Variants in TACC1 observed in about 807,000 individuals in gnomAD.
The protein encoded by TACC1 is transforming acidic coiled-coil containing protein 1, also known as transforming acidic coiled-coil-containing protein 1.
TACC1 carries 48 observed loss-of-function variants against 84.4 expected under a neutral mutation model. The observed-to-expected ratio is 0.57, with a 90% CI of 0.45 to 0.72. The LOEUF is 0.72. TACC1 is among the 30% of genes least tolerant of loss of function. TACC1 has a pLI of 0.00. For synonymous variants in TACC1, 372 were observed against 376.3 expected (o/e 0.99, Z 0.13); for missense variants, 920 against 973.0 (o/e 0.95, Z 0.72).
At chr8:38,740,205 A>G (rs534829158) in intron 1 of TACC1, among the ~76,000 whole-genome samples, 1 of 152,204 alleles carries the variant, frequency 6.6e-6, no homozygotes, top group Non-Finnish European at 1.5e-5. Flanking sequence ...GGATTCCTCC[A>G]TCACGTGGGA....
At chr8:38,777,225 C>T (rs1271207411) in intron 3 of TACC1, among the ~76,000 whole-genome samples, 2 of 149,362 alleles carry the variant, frequency 1.3e-5, no homozygotes, top group African/African-American at 5.0e-5. Context: ...CACTGCACTT[C>T]AGCCTGGGCA....
intron 9 of TACC1, among the ~76,000 whole-genome samples, chr8:38,841,263 A>G (rs1831226021): frequency 6.6e-6 from 1 of 152,152 alleles, no homozygotes; most frequent in Non-Finnish European, 1.5e-5. Context: ...AGCTTCTGTA[A>G]TGTATGTATT....
chr8:38,825,347 C>T lies in TACC1; in HGVS notation c.1431C>T (p.Leu477=), dbSNP rs148777646. 7.8e-5 allele frequency: 126 copies of T among 1,614,140 alleles called. 2 individuals are homozygous for T. In the African/African-American group the frequency reaches 9.1e-4, roughly 12 times the overall value. The part of the protein sequence containing the change: ...CKVKKHETQS[L]ALDACSRDEG... Reference sequence around the variant, plus strand: ...TGAAGAAGCATGAAACTCAGTCTCTCGCCCTGGATGCATGTTCTCGGGTGA... The same window carrying T: ...TGAAGAAGCATGAAACTCAGTCTCTTGCCCTGGATGCATGTTCTCGGGTGA... Residue 477 remains leucine, a synonymous_variant, in exon 4 of 13, where the codon CTC becomes CTT. Coordinates refer to ENST00000317827, the MANE Select transcript of TACC1 (RefSeq NM_006283.3).
intron 3 of TACC1, 133 bp downstream of exon 3, chr8:38,820,768 A>G: frequency 2.2e-5 from 27 of 1,233,844 alleles, no homozygotes; most frequent in Non-Finnish European, 2.9e-5. Flanking sequence ...TTATAATGTT[A>G]TCCTGCAGTC....
At chr8:38,743,257 G>A (rs1332212814) in intron 2 of TACC1, among the ~76,000 whole-genome samples, 1 of 151,980 alleles carries the variant, frequency 6.6e-6, no homozygotes, top group South Asian at 2.1e-4. Context: ...TTCAGAGTAA[G>A]ACAGACATCA....
At chr8:38,738,103 TG>T (rs1454107124) in intron 1 of TACC1, among the ~76,000 whole-genome samples, 2 of 152,072 alleles carry the variant, frequency 1.3e-5, no homozygotes, top group African/African-American at 4.8e-5. Flanking sequence ...GCACAATTTT[TG>T]TGAAGATTAG....
At chr8:38,730,685 A>G (rs1804752467) in intron 1 of TACC1, among the ~76,000 whole-genome samples, 1 of 152,090 alleles carries the variant, frequency 6.6e-6, no homozygotes, top group African/African-American at 2.4e-5. Flanking sequence ...TGCCTTGAAT[A>G]TTTTTGCAGC....
chr8:38,798,745 C>A (rs1820620341), intron 2 of TACC1, among the ~76,000 whole-genome samples: 1 of 151,994 alleles, frequency 6.6e-6, no homozygotes, highest in Non-Finnish European at 1.5e-5. Flanking sequence ...TGACCCACCC[C>A]TCTCCCATGC....
At position 38,838,556 on chromosome 8, in the gene TACC1, G is replaced by A; in HGVS notation, c.1916+10G>A. On this transcript the variant is annotated intron_variant, in intron 8 of 12. Transcript: ENST00000317827. ...AAGTTTTGGAGATGAGGTTAGACTGGAGGTTTTGGGGAGGGGCTGGATACT... is the reference window on the plus strand; with the variant it reads ...AAGTTTTGGAGATGAGGTTAGACTGAAGGTTTTGGGGAGGGGCTGGATACT... 1 of 1,609,596 alleles carries A rather than the reference G, an allele frequency of 6.2e-7. No homozygotes were observed.
chr8:38,851,121 G>C lies in TACC1; in HGVS notation c.*3098G>C, dbSNP rs545370886. Reference sequence around the variant, plus strand: ...GCCCAGTTTTCTCACGTGGTTTCTAGCTTCTTCAGACTCAGCCCAAATTAG... The same window carrying C: ...GCCCAGTTTTCTCACGTGGTTTCTACCTTCTTCAGACTCAGCCCAAATTAG... On this transcript the variant is annotated 3_prime_UTR_variant, in exon 13 of 13. Coordinates refer to ENST00000317827, the MANE Select transcript of TACC1 (RefSeq NM_006283.3). 24 of 152,296 alleles carry C rather than the reference G, an allele frequency of 1.6e-4. No homozygotes were observed. Among genetic ancestry groups the C allele is most frequent in the Admixed American group, 7.8e-4 (12 of 15,290 alleles). 9.4% of individuals were successfully genotyped at this position (152,296 alleles called of 1,614,324 possible).
chr8:38,792,491 A>G (rs922262275), intron 2 of TACC1, among the ~76,000 whole-genome samples: 1 of 151,908 alleles, frequency 6.6e-6, no homozygotes, highest in African/African-American at 2.4e-5. Flanking sequence ...TTTGAGATAG[A>G]GTCTCGCTCT....
intron 3 of TACC1, among the ~76,000 whole-genome samples, chr8:38,765,821 G>C (rs994818725): frequency 2.0e-5 from 3 of 152,040 alleles, no homozygotes; most frequent in African/African-American, 4.8e-5. Context: ...TGAATGGAGG[G>C]GGATGTGTGG....
intron 1 of TACC1, chr8:38,788,071 A>C: frequency 3.2e-6 from 1 of 308,208 alleles, no homozygotes; most frequent in Non-Finnish European, 6.0e-6. Context: ...CACTGATCTA[A>C]CCCAGTGCAA....
At chr8:38,757,657 C>T (rs980374616) in intron 3 of TACC1, among the ~76,000 whole-genome samples, 6 of 152,006 alleles carry the variant, frequency 3.9e-5, no homozygotes, top group African/African-American at 1.4e-4. Flanking sequence ...TGGTCCTGCC[C>T]CAGTACACGC....
At chr8:38,836,391 G>A in intron 7 of TACC1, 104 bp downstream of exon 7, 1 of 1,502,142 alleles carries the variant, frequency 6.7e-7, no homozygotes, top group Non-Finnish European at 9.0e-7. Context: ...TCACAGGCTG[G>A]AAGTTCTTAT....
chr8:38,798,823 G>GT (rs1194932796), intron 2 of TACC1, among the ~76,000 whole-genome samples: 2 of 152,080 alleles, frequency 1.3e-5, no homozygotes, highest in Non-Finnish European at 2.9e-5. Context: ...CCCTTAGATT[G>GT]TATCCCGCAT....
intron 3 of TACC1, among the ~76,000 whole-genome samples, chr8:38,773,309 A>G (rs567547359): frequency 8.2e-4 from 124 of 151,966 alleles, no homozygotes; most frequent in Non-Finnish European, 1.5e-3. Flanking sequence ...TGAATGAAAG[A>G]GTAAAACTCC....
chr8:38,798,537 T>C (rs1820526513), intron 2 of TACC1, among the ~76,000 whole-genome samples: 1 of 151,932 alleles, frequency 6.6e-6, no homozygotes, highest in South Asian at 2.1e-4. Context: ...TTCTGGGTAA[T>C]GTTTTTGTTT....
chr8:38,792,149 T>G (rs1818815063), intron 2 of TACC1, among the ~76,000 whole-genome samples: 1 of 152,262 alleles, frequency 6.6e-6, no homozygotes, highest in Non-Finnish European at 1.5e-5. Context: ...AAGCTTGGGC[T>G]GGTCTGTATT....
Sources: gnomAD v4.1 joint callset for allele counts (sites outside exome capture counted in the v4.1 genomes callset) on GRCh38, gnomAD v4.1.1 for gene constraint, MANE v1.5 for transcripts, NCBI Gene and HGNC (gene_info 2026-07-23, HGNC 2026-07-21) for gene names.